The following FBLN1 variants were observed in gnomAD, a reference collection of about 807,000 sequenced individuals.
FBLN1 encodes the protein fibulin-1.
In FBLN1, 34 loss-of-function variants were observed where a neutral mutation model predicts 89.7. That is an observed-to-expected ratio of 0.38 (90% confidence interval 0.29 to 0.50). The LOEUF is 0.50. Among genes scored for constraint, FBLN1 ranks in the 20% least tolerant of loss-of-function variants. FBLN1 has a pLI of 0.92. For missense variants in FBLN1, 777 were observed against 988.1 expected (o/e 0.79, Z 2.86); for synonymous variants, 393 against 391.3 (o/e 1.00, Z -0.05).
At chr22:45,513,817 G>A (rs926154952) in intron 1 of FBLN1, among the ~76,000 whole-genome samples, 1 of 151,894 alleles carries the variant, frequency 6.6e-6, no homozygotes, top group African/African-American at 2.4e-5. Flanking sequence ...ATTTTGAGAC[G>A]GAGTCTTGCT....
intron 8 of FBLN1, among the ~76,000 whole-genome samples, chr22:45,535,837 C>T (rs1384080556): frequency 1.3e-5 from 2 of 152,216 alleles, no homozygotes; most frequent in East Asian, 1.9e-4. Context: ...AGGAAGCACT[C>T]GGTGAGTGGT....
At chr22:45,582,992 G>A (rs1219426791) in intron 16 of FBLN1, among the ~76,000 whole-genome samples, 1 of 152,162 alleles carries the variant, frequency 6.6e-6, no homozygotes, top group Non-Finnish European at 1.5e-5. Context: ...TTTTGCGTTG[G>A]AATCACCTGG....
intron 8 of FBLN1, 73 bp from the exon 9 acceptor site, chr22:45,541,156 T>C (rs1303517733): frequency 2.5e-6 from 4 of 1,598,292 alleles, no homozygotes; most frequent in Non-Finnish European, 3.4e-6. Context: ...GGAGTTTCTT[T>C]GGAGATCCAG....
Position 45,543,413 on chromosome 22 carries a change from G to A in FBLN1, c.1208G>A (p.Cys403Tyr). The A allele has an allele frequency of 6.2e-7, 1 of 1,612,986 alleles. No homozygotes were observed. The highest frequency in any genetic ancestry group is 8.5e-7 in the Non-Finnish European group (1 of 1,179,980). Residue 403 changes from cysteine to tyrosine, a missense_variant, in exon 11 of 17, where the codon TGC becomes TAC. Transcript: ENST00000327858. ...CCCTCACTTTCAGATGTCAACGAGT[G>A]CCAGCGCTACCCCGGGCGCCTGTGT... Reference protein sequence around the residue: ...ISRMCVDVNECQRYPGRLCGH... With the variant: ...ISRMCVDVNEYQRYPGRLCGH...
rs919681105 is a variant in FBLN1, at chr22:45,576,651, T to C, written c.1841-326T>C. ...TCTGTCCCCTCACTCGCTTTCCTCC[T>C]CTGGTCCCCACCTTCATGAATATGC... is the stretch of plus-strand genomic sequence containing the variant. On this transcript the variant is annotated intron_variant, in intron 15 of 16. Transcript: ENST00000327858. This position sits in a 1 kb window ranked among gnomAD's most constrained non-coding sequence, Gnocchi z 5.2. Among the ~76,000 whole-genome samples, 2 of 152,134 alleles carry C rather than the reference T, an allele frequency of 1.3e-5. No homozygotes were observed. Among genetic ancestry groups the C allele is most frequent in the African/African-American group, 4.8e-5 (2 of 41,424 alleles).
chr22:45,584,673 A>G lies in FBLN1; in HGVS notation c.1972+7565A>G, dbSNP rs1260856343. Among the ~76,000 whole-genome samples the G allele has an allele frequency of 2.6e-5, 4 of 152,126 alleles. No individual in the cohort carries two copies. The East Asian group carries it at 7.7e-4, about 29-fold the overall frequency. On this transcript the variant is annotated intron_variant, in intron 16 of 16. Transcript: ENST00000327858. ...TAAGAGTGGTCTAGTCTGGAGGATA[A>G]ATGAGCCGCTGGGAGGAAGAAGTTT...
chr22:45,526,309 A>G (rs1286457978), intron 3 of FBLN1, among the ~76,000 whole-genome samples: 3 of 152,150 alleles, frequency 2.0e-5, no homozygotes, highest in African/African-American at 7.2e-5. Context: ...CTAGCAGGTC[A>G]CTCAGGACCG....
chr22:45,505,858 G>A (rs374355134), intron 1 of FBLN1, among the ~76,000 whole-genome samples: 93 of 152,192 alleles, frequency 6.1e-4, no homozygotes, highest in East Asian at 2.5e-3. Context: ...TGCAACCTCC[G>A]CCTCCCGAGT....
chr22:45,547,395 T>G (rs1220929409), intron 12 of FBLN1, among the ~76,000 whole-genome samples, 191 bp downstream of exon 12: 1 of 138,560 alleles, frequency 7.2e-6, no homozygotes, highest in African/African-American at 2.7e-5. Flanking sequence ...GGTTTTTTTT[T>G]TTTTTTTTTT....
chr22:45,546,724 A>G (rs1019069293), intron 11 of FBLN1, among the ~76,000 whole-genome samples: 5 of 152,286 alleles, frequency 3.3e-5, no homozygotes, highest in African/African-American at 1.2e-4. Context: ...GTGTGCCGTC[A>G]TCTGTTTAGG....
Position 45,562,300 on chromosome 22 carries a change from G to T in FBLN1, c.1697+11685G>T, listed in dbSNP as rs1263046940. On this transcript the variant is annotated intron_variant, in intron 14 of 16. Coordinates refer to ENST00000327858, the MANE Select transcript of FBLN1 (RefSeq NM_006486.3). This position sits in a 1 kb window ranked among gnomAD's most constrained non-coding sequence, Gnocchi z 7.8. ...AAGGAACTGGGAACTGACCTCAATG[G>T]CTGAGTAGCGATATGGCTCCCTCAC... Among the ~76,000 whole-genome samples, 1 of 152,168 alleles carries T rather than the reference G, an allele frequency of 6.6e-6. No individual in the cohort carries two copies. Among genetic ancestry groups the T allele is most frequent in the Non-Finnish European group, 1.5e-5 (1 of 68,036 alleles).
intron 1 of FBLN1, 114 bp from the exon 2 acceptor site, chr22:45,518,568 G>A: frequency 1.3e-6 from 1 of 790,766 alleles, no homozygotes; most frequent in African/African-American, 1.7e-5. Context: ...TGTGCCCCCA[G>A]CCTGATGCTG....
rs1209423106 is a variant in FBLN1 at position 45,581,391 on chromosome 22, TC to T, written c.1972+4287del. ...TGTGTGTGACCACTTCCAAGAAGCC[TC>T]CCCTGACTGCTCCAGGGTCATGGCT... On this transcript the variant is annotated intron_variant, in intron 16 of 16. Transcript: ENST00000327858. The surrounding 1 kb of genome is among the most constrained non-coding windows in gnomAD (Gnocchi z 7.6). 6.6e-6 allele frequency among the ~76,000 whole-genome samples: 1 copy of T among 151,848 alleles called. No homozygotes were observed. Among genetic ancestry groups the T allele is most frequent in the Non-Finnish European group, 1.5e-5 (1 of 67,946 alleles).
intron 14 of FBLN1, chr22:45,558,250 T>C (rs2088813347): frequency 3.7e-6 from 2 of 533,610 alleles, no homozygotes; most frequent in Non-Finnish European, 7.0e-6. Flanking sequence ...GGAATGCTGC[T>C]GTTCATGACC....
At chr22:45,503,739 G>T (rs2087980119) in intron 1 of FBLN1, among the ~76,000 whole-genome samples, 1 of 152,210 alleles carries the variant, frequency 6.6e-6, no homozygotes, top group South Asian at 2.1e-4. Context: ...CGGGCTCGGT[G>T]CTCAGCGGGG....
chr22:45,585,226 G>T (rs949796603), intron 16 of FBLN1, among the ~76,000 whole-genome samples: 4 of 152,214 alleles, frequency 2.6e-5, no homozygotes, highest in Non-Finnish European at 4.4e-5. Context: ...TACACAACCT[G>T]CTCAACTGTA....
chr22:45,529,494 G>T (rs78569695), intron 4 of FBLN1, among the ~76,000 whole-genome samples: 2 of 152,274 alleles, frequency 1.3e-5, no homozygotes, highest in African/African-American at 4.8e-5. Flanking sequence ...GCAGGACTCC[G>T]CCTGGGCCAA....
rs998240628 is a variant in FBLN1 at position 45,601,014 on chromosome 22, C to G, written c.*568C>G. 5.8e-6 allele frequency: 1 copy of G among 171,976 alleles called. No homozygotes were observed. 10.7% of individuals were successfully genotyped at this position (171,976 alleles called of 1,614,324 possible). On this transcript the variant is annotated 3_prime_UTR_variant, in exon 17 of 17. Coordinates refer to ENST00000327858, the MANE Select transcript of FBLN1 (RefSeq NM_006486.3). ...GGAAAATCCCTTGGTAAAGACACAG[C>G]CTGTTAGGCTCGTGTGGGCCTCCAG...
chr22:45,572,053 C>T lies in FBLN1; in HGVS notation c.1698-2458C>T, dbSNP rs1461669471. On this transcript the variant is annotated intron_variant, in intron 14 of 16. Transcript: ENST00000327858. This position sits in a 1 kb window ranked among gnomAD's most constrained non-coding sequence, Gnocchi z 5.8. The stretch of plus-strand genomic sequence containing the variant: ...CTGAGGCAGGAGAATCACTTGAACC[C>T]GGGAGGTGGAGGTTGCAGTGAGCCG... Among the ~76,000 whole-genome samples the T allele has an allele frequency of 2.6e-5, 4 of 151,956 alleles. No homozygotes were observed. The South Asian group carries it at 6.2e-4, about 24-fold the overall frequency.
Sources: allele counts gnomAD v4.1 joint callset (sites outside exome capture counted in the v4.1 genomes callset), GRCh38; gene constraint gnomAD v4.1.1; non-coding constraint Gnocchi (gnomAD v3.1); transcripts MANE v1.5; gene names NCBI Gene and HGNC (gene_info 2026-07-23, HGNC 2026-07-21).